The following THADA variants were observed in gnomAD, a reference collection of about 807,000 sequenced individuals.
The protein encoded by THADA is tRNA (32-2'-O)-methyltransferase regulator THADA.
THADA carries 213 observed loss-of-function variants against 219.8 expected under a neutral mutation model. The ratio of observed to expected loss-of-function variants is 0.97; its 90% confidence interval spans 0.87 to 1.09. THADA has a LOEUF of 1.09. Among genes scored for constraint, THADA ranks in the 50% least tolerant of loss-of-function variants. The probability of loss-of-function intolerance (pLI) is 0.00; values close to 1 mark genes in which losing one functional copy is unlikely to be tolerated. For missense variants in THADA, 2,956 were observed against 2,311.3 expected, an observed-to-expected ratio of 1.28 and a Z score of -5.72; for synonymous variants, 1,018 against 828.9, an observed-to-expected ratio of 1.23 and a Z score of -3.92.
At chr2:43,443,116 A>ACT (rs1681055363) in intron 26 of THADA, among the ~76,000 whole-genome samples, 1 of 152,148 alleles carries the variant, frequency 6.6e-6, no homozygotes, top group South Asian at 2.1e-4. Context: ...ACTAGATTAT[A>ACT]CACTCTGCAC....
chr2:43,540,996 T>C (rs1008507130), intron 21 of THADA, among the ~76,000 whole-genome samples, 163 bp downstream of exon 21: 4 of 152,220 alleles, frequency 2.6e-5, no homozygotes, highest in African/African-American at 7.2e-5. Context: ...AAATGTATTA[T>C]AAAGTCTAAC....
In THADA at chr2:43,570,414, G is replaced by T; in HGVS notation, c.2161C>A (p.Pro721Thr). The part of the protein sequence containing the change: ...EPENELTKQH[P>T]SVSLQQYKNF... ...TTATACTGCTGTAAAGAAACAGAAG[G>T]GTGCTGTTTGGTTAACTCATTCTCT... The change falls in exon 14 of 38, where the codon CCT becomes ACT. Residue 721 changes from proline to threonine, a missense_variant. Physicochemically the swap from Pro to Thr is conservative, Grantham distance 38 (BLOSUM62 -1). Transcript: ENST00000405975. 6.2e-7 allele frequency: 1 copy of T among 1,612,810 alleles called. No homozygotes were observed. Among genetic ancestry groups the T allele is most frequent in the East Asian group, 2.2e-5 (1 of 44,774 alleles).
intron 30 of THADA, among the ~76,000 whole-genome samples, chr2:43,338,852 T>G (rs1666770277): frequency 6.6e-6 from 1 of 152,212 alleles, no homozygotes; most frequent in African/African-American, 2.4e-5. Context: ...CTCAAGTCTG[T>G]TGGGTATGTA....
In THADA at chr2:43,277,652, G is replaced by A. The variant is rs78945716; in HGVS notation, c.5296+2113C>T. Among the ~76,000 whole-genome samples the A allele has an allele frequency of 1.1e-4, 16 of 152,298 alleles. No individual in the cohort carries two copies. The East Asian group carries it at 3.1e-3, about 29-fold the overall frequency. ...CTTGTGTTGTATTTCTTTCTTCGAG[G>A]AAAACTGAGAAGTAACTTTAATTTT... is the stretch of plus-strand genomic sequence containing the variant. On this transcript the variant is annotated intron_variant, in intron 36 of 37. Coordinates refer to ENST00000405975, the MANE Select transcript of THADA (RefSeq NM_022065.5).
intron 36 of THADA, among the ~76,000 whole-genome samples, chr2:43,255,714 G>T (rs1450500222): frequency 6.6e-6 from 1 of 152,214 alleles, no homozygotes; most frequent in African/African-American, 2.4e-5. Flanking sequence ...ACCCCGGGAA[G>T]CTCAGATTCT....
At chr2:43,254,756 AAC>A (rs1342094259) in intron 36 of THADA, among the ~76,000 whole-genome samples, 2 of 152,180 alleles carry the variant, frequency 1.3e-5, no homozygotes, top group African/African-American at 4.8e-5. Context: ...AGTCTAACTG[AAC>A]ACACAGTGAC....
intron 17 of THADA, among the ~76,000 whole-genome samples, chr2:43,554,687 G>C (rs7596052): frequency 6.6e-6 from 1 of 151,890 alleles, no homozygotes; most frequent in Non-Finnish European, 1.5e-5. Flanking sequence ...TACAAGTCTC[G>C]GAATTTGTTG....
chr2:43,451,999 C>T (rs1018426635), intron 26 of THADA, among the ~76,000 whole-genome samples: 6 of 152,054 alleles, frequency 3.9e-5, no homozygotes, highest in South Asian at 2.1e-4. Context: ...CCCAGCTACT[C>T]GGGAGGCTGA....
At chr2:43,514,910 A>C (rs1449521496) in intron 22 of THADA, among the ~76,000 whole-genome samples, 1 of 69,190 alleles carries the variant, frequency 1.4e-5, no homozygotes, top group Non-Finnish European at 2.4e-5. Flanking sequence ...TATAATATAT[A>C]TTTTATGTAT....
intron 29 of THADA, among the ~76,000 whole-genome samples, chr2:43,395,399 A>T (rs1216784782): frequency 1.3e-5 from 2 of 152,222 alleles, no homozygotes; most frequent in Non-Finnish European, 2.9e-5. Flanking sequence ...GTCCATCTTT[A>T]AGACCAAGAC....
chr2:43,251,823 G>A (rs1347720710), intron 36 of THADA, among the ~76,000 whole-genome samples: 1 of 152,172 alleles, frequency 6.6e-6, no homozygotes, highest in African/African-American at 2.4e-5. Flanking sequence ...CATGTTCAGG[G>A]AATAGTTTTT....
intron 35 of THADA, 93 bp downstream of exon 35, chr2:43,286,815 T>G: frequency 7.0e-7 from 1 of 1,429,440 alleles, no homozygotes; most frequent in Non-Finnish European, 9.7e-7. Flanking sequence ...GGTGTCATGT[T>G]GCCATCTTTC....
At chr2:43,231,485 C>T in intron 37 of THADA, 142 bp from the exon 38 acceptor site, 1 of 729,632 alleles carries the variant, frequency 1.4e-6, no homozygotes, top group Non-Finnish European at 2.1e-6. Flanking sequence ...CTGTCAACAT[C>T]CATGTACACA....
rs1391943245 is a variant in THADA at position 43,314,645 on chromosome 2, A to G, written c.4438+5801T>C. ...TATAAGAATTAAAGCTCTCGTCTCC[A>G]TGTCGCTGCCCAGCCTGAGACCCAG... On this transcript the variant is annotated intron_variant, in intron 31 of 37. Transcript: ENST00000405975. Among the ~76,000 whole-genome samples, 3 of 152,356 alleles carry G rather than the reference A, an allele frequency of 2.0e-5. No homozygotes were observed. The East Asian group carries it at 5.8e-4, about 29-fold the overall frequency.
In THADA at chr2:43,232,760, A is replaced by G. The variant is rs1296518627; in HGVS notation, c.5419T>C (p.Leu1807=). ...PGLPILLGWL[L]GESDDLVACV... ...GCCACGAGGTCATCACTCTCTCCCA[A>G]CAGCCATCCCAGCAGGATGGGCAGT... is the stretch of plus-strand genomic sequence containing the variant. Residue 1807 remains leucine, a synonymous_variant, in exon 37 of 38, where the codon TTG becomes CTG. Transcript: ENST00000405975. The G allele has an allele frequency of 2.4e-5, 39 of 1,613,692 alleles. No individual in the cohort carries two copies. Among genetic ancestry groups the G allele is most frequent in the Non-Finnish European group, 3.2e-5 (38 of 1,179,842 alleles).
chr2:43,581,337 C>A (rs760125212), intron 8 of THADA, among the ~76,000 whole-genome samples: 1 of 152,020 alleles, frequency 6.6e-6, no homozygotes, highest in African/African-American at 2.4e-5. Flanking sequence ...CCAGAACAGC[C>A]TGGCCAACAT....
At chr2:43,514,495 T>G (rs1470040951) in intron 22 of THADA, among the ~76,000 whole-genome samples, 3 of 111,610 alleles carry the variant, frequency 2.7e-5, no homozygotes, top group Non-Finnish European at 5.5e-5. Context: ...ATACATAATA[T>G]ATACGTATAT....
intron 21 of THADA, among the ~76,000 whole-genome samples, chr2:43,539,177 T>C (rs921583764): frequency 2.6e-5 from 4 of 152,236 alleles, no homozygotes; most frequent in Admixed American, 6.5e-5. Flanking sequence ...TGCCTCCGTG[T>C]ATTCAGACGG....
intron 31 of THADA, among the ~76,000 whole-genome samples, chr2:43,298,310 G>A (rs1428860022): frequency 1.1e-5 from 1 of 94,252 alleles, no homozygotes; most frequent in Non-Finnish European, 2.0e-5. Flanking sequence ...CCAACCCTGT[G>A]CTCTCTGAAA....
Sources: gnomAD v4.1 joint callset for allele counts (sites outside exome capture counted in the v4.1 genomes callset) on GRCh38, gnomAD v4.1.1 for gene constraint, MANE v1.5 for transcripts, NCBI Gene and HGNC (gene_info 2026-07-23, HGNC 2026-07-21) for gene names.